The following ZNF514 variants were observed in gnomAD, a reference collection of about 807,000 sequenced individuals.
ZNF514 encodes the protein zinc finger protein 514.
A neutral mutation model predicts 9.7 loss-of-function variants in ZNF514; 12 were observed. The observed-to-expected ratio is 1.24, with a 90% CI of 0.79 to 2.01. ZNF514 has a LOEUF of 2.01. ZNF514 is among the 30% of genes most tolerant of loss of function. The pLI is 0.00. For synonymous variants in ZNF514, 158 were observed against 163.7 expected, an observed-to-expected ratio of 0.97 and a Z score of 0.27; for missense variants, 467 against 465.5, an observed-to-expected ratio of 1.00 and a Z score of -0.03.
chr2:95,139,890 T>C, the ZNF514 span, among the ~76,000 whole-genome samples: 6 of 152,178 alleles, frequency 3.9e-5, no homozygotes, highest in African/African-American at 1.4e-4. Flanking sequence ...GGTGGAGTTC[T>C]CATGAATGGA....
In ZNF514 at chr2:95,145,979, T is replaced by G. The variant is rs1238273216; in HGVS notation, c.*3303A>C. On this transcript the variant is annotated 3_prime_UTR_variant, in exon 5 of 5. Transcript: ENST00000295208. ...TTGGGCACATGTTCTCAGGATCTCC[T>G]GGGGCTGTGTCAGACTTGTTTCTTA... 6.6e-6 allele frequency among the ~76,000 whole-genome samples: 1 copy of G among 151,894 alleles called. No homozygotes were observed. The highest frequency in any genetic ancestry group is 1.5e-5 in the Non-Finnish European group (1 of 67,854).
chr2:95,137,190 A>C, the ZNF514 span, among the ~76,000 whole-genome samples: 1 of 152,234 alleles, frequency 6.6e-6, no homozygotes, highest in Non-Finnish European at 1.5e-5. Context: ...ACGCCAAAGA[A>C]GCAGCCTTAA....
At chr2:95,137,136 A>C in the ZNF514 span, among the ~76,000 whole-genome samples, 1 of 152,234 alleles carries the variant, frequency 6.6e-6, no homozygotes, top group African/African-American at 2.4e-5. Flanking sequence ...GATAATACGA[A>C]AAAGATAATA....
the ZNF514 span, among the ~76,000 whole-genome samples, chr2:95,131,118 A>G: frequency 1.1e-4 from 17 of 152,224 alleles, no homozygotes; most frequent in Admixed American, 9.2e-4. Flanking sequence ...TTGACAGAAC[A>G]AATTAGAAAA....
the ZNF514 span, among the ~76,000 whole-genome samples, chr2:95,124,948 C>T: frequency 6.6e-6 from 1 of 152,084 alleles, no homozygotes; most frequent in Non-Finnish European, 1.5e-5. Context: ...ATAGCGCGAT[C>T]TCGGCTCACT....
chr2:95,157,503 C>T, intron 1 of ZNF514, 64 bp from the exon 2 acceptor site: 2 of 971,884 alleles, frequency 2.1e-6, no homozygotes, highest in Non-Finnish European at 2.9e-6. Context: ...TCTCAGACTT[C>T]CCAAGCCTGA....
chr2:95,142,099 T>C (rs1007870207), downstream of ZNF514, among the ~76,000 whole-genome samples: 3 of 152,204 alleles, frequency 2.0e-5, no homozygotes, highest in Admixed American at 6.5e-5. Flanking sequence ...ATTTTTGTTA[T>C]AGTTGTTACA....
chr2:95,126,600 T>C, the ZNF514 span, among the ~76,000 whole-genome samples: 9 of 152,108 alleles, frequency 5.9e-5, no homozygotes, highest in African/African-American at 1.7e-4. Flanking sequence ...TACATTTCCC[T>C]AATAGCTAAT....
In ZNF514 at chr2:95,149,908, T is replaced by C. The variant is rs867011456; in HGVS notation, c.577A>G (p.Asn193Asp). 1 of 1,614,230 alleles carries C rather than the reference T, an allele frequency of 6.2e-7. No individual in the cohort carries two copies. The highest frequency in any genetic ancestry group is 2.2e-5 in the East Asian group (1 of 44,890). ...TTTTCTGGGTGGGTTCTCTGAGAGT[T>C]GTTTCCCCCTAAAGTCTGCCTGAAT... The part of the protein sequence containing the change: ...TEFRQTLGGN[N>D]SQRTHPEKKS... The change falls in exon 5 of 5, where the codon AAC becomes GAC. Residue 193 changes from asparagine to aspartate, a missense_variant. Transcript: ENST00000295208.
intron 2 of ZNF514, among the ~76,000 whole-genome samples, chr2:95,156,298 G>A (rs1573382112): frequency 6.6e-6 from 1 of 152,118 alleles, no homozygotes; most frequent in East Asian, 1.9e-4. Context: ...AGACAAACCT[G>A]AATCCCCCCT....
intron 1 of ZNF514, 178 bp downstream of exon 1, chr2:95,159,062 G>T (rs1163396367): frequency 4.8e-5 from 57 of 1,190,530 alleles, no homozygotes; most frequent in Non-Finnish European, 6.0e-5. Context: ...TCCTCCCGAG[G>T]GTTCAGGGAG....
chr2:95,150,129 C>T lies in ZNF514; in HGVS notation c.356G>A (p.Cys119Tyr). The change falls in exon 5 of 5, where the codon TGT becomes TAT. Residue 119 changes from cysteine to tyrosine, a missense_variant. Coordinates refer to ENST00000295208, the MANE Select transcript of ZNF514 (RefSeq NM_032788.3). ...QFSKLKAACG[C>Y]DGQLEMQQIK... is the part of the protein sequence containing the mutation. ...CTGCTGCATCTCTAACTGGCCATCA[C>T]AACCGCAGGCTGCTTTCAACTTCGA... 6.2e-7 allele frequency: 1 copy of T among 1,611,616 alleles called. No homozygotes were observed. Among genetic ancestry groups the T allele is most frequent in the Non-Finnish European group, 8.5e-7 (1 of 1,180,014 alleles).
At chr2:95,127,611 T>G in the ZNF514 span, among the ~76,000 whole-genome samples, 6 of 152,154 alleles carry the variant, frequency 3.9e-5, no homozygotes, top group African/African-American at 7.2e-5. Context: ...GTTTTTTTGT[T>G]TTTTGTGTTT....
At chr2:95,139,414 T>C in the ZNF514 span, among the ~76,000 whole-genome samples, 1 of 152,224 alleles carries the variant, frequency 6.6e-6, no homozygotes, top group Non-Finnish European at 1.5e-5. Flanking sequence ...TGCAGCAGTG[T>C]GCCCTGGATG....
At chr2:95,130,082 G>A in the ZNF514 span, among the ~76,000 whole-genome samples, 1 of 152,108 alleles carries the variant, frequency 6.6e-6, no homozygotes, top group Non-Finnish European at 1.5e-5. Context: ...CGACTGGCTT[G>A]AGAAATAAAA....
At chr2:95,137,058 T>A in the ZNF514 span, among the ~76,000 whole-genome samples, 1 of 152,338 alleles carries the variant, frequency 6.6e-6, no homozygotes, top group South Asian at 2.1e-4. Flanking sequence ...ATTAGGTAGA[T>A]GCACCCCTAC....
In ZNF514 at chr2:95,148,643, A is replaced by C. The variant is rs1673431213; in HGVS notation, c.*639T>G. The C allele has an allele frequency of 6.6e-6, 1 of 152,182 alleles. No individual in the cohort carries two copies. The highest frequency in any genetic ancestry group is 1.5e-5 in the Non-Finnish European group (1 of 68,060). The allele number at this position is 152,182 out of a possible 1,614,324, so 9.4% of individuals were successfully genotyped here. ...CTTCCCACATTCATCACGTCACCAG[A>C]GTTTCCAGCTAGTAGGGAGAGTTCT... On this transcript the variant is annotated 3_prime_UTR_variant, in exon 5 of 5. Coordinates refer to ENST00000295208, the MANE Select transcript of ZNF514 (RefSeq NM_032788.3).
At chr2:95,152,864 G>A in intron 3 of ZNF514, 95 bp from the exon 4 acceptor site, 1 of 1,211,300 alleles carries the variant, frequency 8.3e-7, no homozygotes, top group Non-Finnish European at 1.2e-6. Context: ...TGTAGGCATG[G>A]AAAGCCTCCA....
the ZNF514 span, among the ~76,000 whole-genome samples, chr2:95,138,444 C>T: frequency 6.6e-6 from 1 of 152,144 alleles, no homozygotes; most frequent in African/African-American, 2.4e-5. Flanking sequence ...AGAACCAAAG[C>T]AAAGGTCACC....
Sources: allele counts gnomAD v4.1 joint callset (sites outside exome capture counted in the v4.1 genomes callset), GRCh38; gene constraint gnomAD v4.1.1; transcripts MANE v1.5; gene names NCBI Gene and HGNC (gene_info 2026-07-23, HGNC 2026-07-21).